Variants in HERC5 observed in about 807,000 individuals in gnomAD.
HERC5 encodes E3 ISG15--protein ligase HERC5.
A neutral mutation model predicts 119.6 loss-of-function variants in HERC5; 99 were observed. That is an observed-to-expected ratio of 0.83 (90% CI 0.70 to 0.98). The LOEUF (loss-of-function observed/expected upper bound fraction) is 0.98. HERC5 is among the 50% of genes least tolerant of loss of function. The probability of loss-of-function intolerance (pLI) is 0.00; values close to 1 mark genes in which losing one functional copy is unlikely to be tolerated. For synonymous variants in HERC5, 478 were observed against 445.9 expected (o/e 1.07, Z -0.91); for missense variants, 1,267 against 1,241.3 (o/e 1.02, Z -0.31).
At chr4:88,489,636 G>T (rs191598049) in intron 16 of HERC5, among the ~76,000 whole-genome samples, 1 of 152,138 alleles carries the variant, frequency 6.6e-6, no homozygotes, top group South Asian at 2.1e-4. Flanking sequence ...GCCTAGCCTG[G>T]CTAGCACCAC....
chr4:88,469,190 A>G lies in HERC5; in HGVS notation c.1168A>G (p.Thr390Ala). ...TGTTAATCTGAAGAGGACAATTCCTACTCTGAATGAAGGGACTGTAAAGAG... is the reference window on the plus strand; with the variant it reads ...TGTTAATCTGAAGAGGACAATTCCTGCTCTGAATGAAGGGACTGTAAAGAG... ...SYVNLKRTIP[T>A]LNEGTVKRWI... Residue 390 changes from threonine (T) to alanine (A), a missense_variant, in exon 9 of 23, where the codon ACT becomes GCT. Thr to Ala is a moderately conservative substitution (Grantham distance 58, BLOSUM62 0). This residue lies in a region of HERC5 where 777 missense variants were observed against 758.0 expected (regional missense o/e 1.03). Coordinates refer to ENST00000264350, the MANE Select transcript of HERC5 (RefSeq NM_016323.4). The G allele has an allele frequency of 6.2e-7, 1 of 1,612,512 alleles. No individual in the cohort carries two copies. Among genetic ancestry groups the G allele is most frequent in the East Asian group, 2.2e-5 (1 of 44,854 alleles).
chr4:88,479,795 C>T (rs1391603446), intron 13 of HERC5, among the ~76,000 whole-genome samples: 3 of 152,120 alleles, frequency 2.0e-5, no homozygotes, highest in Non-Finnish European at 2.9e-5. Flanking sequence ...GGGCCGGGCG[C>T]GTTGGCTCAC....
Position 88,459,485 on chromosome 4 carries a change from T to C in HERC5, c.389+15T>C, listed in dbSNP as rs1381569162. The C allele has an allele frequency of 3.4e-6, 5 of 1,472,530 alleles. No individual in the cohort carries two copies. The highest frequency in any genetic ancestry group is 4.6e-6 in the Non-Finnish European group (5 of 1,096,142). The allele number at this position is 1,472,530 out of a possible 1,614,324, so 91.2% of individuals were successfully genotyped here. On this transcript the variant is annotated intron_variant, in intron 2 of 22. Coordinates refer to ENST00000264350, the MANE Select transcript of HERC5 (RefSeq NM_016323.4). ...AAACATCTAAGGTAGGGAACTTTTT[T>C]CTTTTATTAAAAATTAATTTTAATC...
Position 88,457,162 on chromosome 4 carries a change from A to G in HERC5, c.-108A>G. Reference sequence around the variant, plus strand: ...TCCCCGACGCCACGCAGCTGCGCGCAGCTGGTTCCCGCTCTGCAGCGCAAC... The same window carrying G: ...TCCCCGACGCCACGCAGCTGCGCGCGGCTGGTTCCCGCTCTGCAGCGCAAC... On this transcript the variant is annotated 5_prime_UTR_variant, in exon 1 of 23. Transcript: ENST00000264350. 1.6e-6 allele frequency: 2 copies of G among 1,234,220 alleles called. No individual in the cohort carries two copies. Among genetic ancestry groups the G allele is most frequent in the Non-Finnish European group, 2.0e-6 (2 of 988,532 alleles). The allele number at this position is 1,234,220 out of a possible 1,614,324, so 76.5% of individuals were successfully genotyped here.
At chr4:88,500,066 C>A in intron 19 of HERC5, 74 bp downstream of exon 19, 2 of 880,682 alleles carry the variant, frequency 2.3e-6, no homozygotes, top group South Asian at 1.6e-5. Flanking sequence ...CTAAACATGT[C>A]AACTTTTACT....
In HERC5 at chr4:88,469,193, CTGAA is replaced by C. The variant is rs1398278691; in HGVS notation, c.1176_1179del (p.Asn392LysfsTer4). On this transcript the variant is annotated frameshift_variant, in exon 9 of 23. Transcript: ENST00000264350. LOFTEE classifies it high-confidence loss of function. ...TAATCTGAAGAGGACAATTCCTACT[CTGAA>C]TGAAGGGACTGTAAAGAGATGGATT... 4 of 1,612,930 alleles carry C rather than the reference CTGAA, an allele frequency of 2.5e-6. No individual in the cohort carries two copies. The highest frequency in any genetic ancestry group is 3.4e-6 in the Non-Finnish European group (4 of 1,179,078).
rs374132307 is a variant in HERC5, at chr4:88,464,168, ATT to A, written c.911+205_911+206del. 2.1e-3 allele frequency among the ~76,000 whole-genome samples: 231 copies of A among 111,158 alleles called. 3 individuals are homozygous for A. Among genetic ancestry groups the A allele is most frequent in the South Asian group, 0.017 (61 of 3,598 alleles). The allele number at this position is 111,158 out of a possible 152,430, so 72.9% of individuals were successfully genotyped here. A position where few individuals can be genotyped will look rare whatever the true frequency, so the allele number is the denominator to read the frequency against. On this transcript the variant is annotated intron_variant, in intron 6 of 22. Transcript: ENST00000264350. ...TTACTATACATGGTTGTTTTCTTTG[ATT>A]TTTTTTTTTTTTTTTTTTTTTAAAT...
At chr4:88,488,356 C>T (rs377738502) in intron 15 of HERC5, among the ~76,000 whole-genome samples, 2 of 151,652 alleles carry the variant, frequency 1.3e-5, no homozygotes, top group African/African-American at 2.4e-5. Context: ...CTCAGCCTCC[C>T]GAGTAGCTGG....
chr4:88,467,050 A>G lies in HERC5; in HGVS notation c.912-9A>G, dbSNP rs201630041. Reference sequence around the variant, plus strand: ...TTAAGAATTGACCATATGTGCTTTTATTTAATAGGTGGCACACACTTGCCT... The same window carrying G: ...TTAAGAATTGACCATATGTGCTTTTGTTTAATAGGTGGCACACACTTGCCT... On this transcript the variant is annotated splice_polypyrimidine_tract_variant and intron_variant, in intron 6 of 22. Transcript: ENST00000264350. 6.2e-7 allele frequency: 1 copy of G among 1,613,698 alleles called. No homozygotes were observed. The highest frequency in any genetic ancestry group is 2.2e-5 in the East Asian group (1 of 44,866).
At chr4:88,481,261 C>T (rs920020212) in intron 13 of HERC5, among the ~76,000 whole-genome samples, 41 of 152,288 alleles carry the variant, frequency 2.7e-4, no homozygotes, top group African/African-American at 9.9e-4. Flanking sequence ...CCATGTAGCC[C>T]AGGCTGGTCT....
intron 11 of HERC5, 127 bp from the exon 12 acceptor site, chr4:88,475,714 C>G: frequency 1.2e-6 from 1 of 807,076 alleles, no homozygotes; most frequent in South Asian, 1.6e-5. Context: ...TTTTAGAAAA[C>G]TCAATGATTA....
At chr4:88,469,287 T>G in intron 9 of HERC5, 27 bp downstream of exon 9, 1 of 1,421,372 alleles carries the variant, frequency 7.0e-7, no homozygotes, top group East Asian at 2.3e-5. Context: ...GACTCTCTGC[T>G]TATATATCAC....
chr4:88,482,355 T>G (rs1741307262), intron 13 of HERC5, among the ~76,000 whole-genome samples: 1 of 151,436 alleles, frequency 6.6e-6, no homozygotes, highest in African/African-American at 2.4e-5. Context: ...AAGTAGTAGC[T>G]TAAATGCAGC....
chr4:88,461,726 T>C (rs1740450406), intron 3 of HERC5, among the ~76,000 whole-genome samples: 1 of 152,214 alleles, frequency 6.6e-6, no homozygotes, highest in Non-Finnish European at 1.5e-5. Context: ...TAATTTCAAA[T>C]GAATTTTACA....
intron 20 of HERC5, among the ~76,000 whole-genome samples, chr4:88,502,900 T>TGCAAG (rs1231383759): frequency 6.6e-6 from 1 of 151,918 alleles, no homozygotes; most frequent in Non-Finnish European, 1.5e-5. Flanking sequence ...GAGTTCTAGA[T>TGCAAG]GCAAGTCTTT....
intron 22 of HERC5, 100 bp downstream of exon 22, chr4:88,504,697 C>G (rs1742055079): frequency 1.8e-6 from 1 of 571,336 alleles, no homozygotes; most frequent in Non-Finnish European, 2.9e-6. Context: ...ATCATAGTGT[C>G]AGAGCTACGC....
intron 18 of HERC5, among the ~76,000 whole-genome samples, chr4:88,496,152 G>T (rs1002204949): frequency 2.6e-5 from 4 of 152,190 alleles, no homozygotes; most frequent in African/African-American, 9.7e-5. Context: ...ATAATGTTAT[G>T]AAAATAGTTT....
In HERC5 at chr4:88,479,336, T is replaced by C; in HGVS notation, c.1583-17T>C. On this transcript the variant is annotated splice_polypyrimidine_tract_variant and intron_variant, in intron 12 of 22. Coordinates refer to ENST00000264350, the MANE Select transcript of HERC5 (RefSeq NM_016323.4). ...AAACTCATTTTTTAAAAAATTTGCT[T>C]TCCTTGTGTTCCTCAGAAGAGTATT... 1 of 1,549,188 alleles carries C rather than the reference T, an allele frequency of 6.5e-7. No individual in the cohort carries two copies. The highest frequency in any genetic ancestry group is 8.7e-7 in the Non-Finnish European group (1 of 1,153,716).
In HERC5 at chr4:88,457,120, G is replaced by C. The variant is rs1740166064; in HGVS notation, c.-150G>C. 8.1e-7 allele frequency: 1 copy of C among 1,232,668 alleles called. No individual in the cohort carries two copies. Among genetic ancestry groups the C allele is most frequent in the Non-Finnish European group, 1.0e-6 (1 of 988,018 alleles). The allele number at this position is 1,232,668 out of a possible 1,614,324, so 76.4% of individuals were successfully genotyped here. A position where few individuals can be genotyped will look rare whatever the true frequency, so the allele number is the denominator to read the frequency against. On this transcript the variant is annotated 5_prime_UTR_variant, in exon 1 of 23. Coordinates refer to ENST00000264350, the MANE Select transcript of HERC5 (RefSeq NM_016323.4). ...GGCGTGGCGTCCCGGCAGGGGCTCA[G>C]TAGCTGAGGCTGCGGTTCCCCGACG...
Sources: gnomAD v4.1 joint callset for allele counts (sites outside exome capture counted in the v4.1 genomes callset) on GRCh38, gnomAD v4.1.1 for gene constraint, gnomAD v4.1.1 regional missense constraint, MANE v1.5 for transcripts, NCBI Gene and HGNC (gene_info 2026-07-23, HGNC 2026-07-21) for gene names.